Variants in LPAR1 observed in about 807,000 individuals in gnomAD.
LPAR1 encodes LPA receptor 1.
In LPAR1, 5 loss-of-function variants were observed where a neutral mutation model predicts 23.8. That is an observed-to-expected ratio of 0.21 (90% CI 0.11 to 0.44). The LOEUF (loss-of-function observed/expected upper bound fraction) is 0.44. Ranked by LOEUF, LPAR1 falls within the 20% of genes least tolerant of loss-of-function variation. The pLI is 0.99. For missense variants in LPAR1, 311 were observed against 482.8 expected (o/e 0.64, Z 3.33); for synonymous variants, 160 against 164.7 (o/e 0.97, Z 0.22).
chr9:110,898,087 T>C (rs1474510847), intron 5 of LPAR1, among the ~76,000 whole-genome samples: 1 of 152,204 alleles, frequency 6.6e-6, no homozygotes, highest in Non-Finnish European at 1.5e-5. Flanking sequence ...TAGTGACTCA[T>C]TTCTGTGACA....
chr9:110,939,838 T>C (rs1479218165), intron 5 of LPAR1, among the ~76,000 whole-genome samples: 1 of 152,214 alleles, frequency 6.6e-6, no homozygotes, highest in East Asian at 1.9e-4. Context: ...AGTTCATGCA[T>C]ATAAAAAATG....
chr9:110,903,667 A>C (rs950257531), intron 5 of LPAR1, among the ~76,000 whole-genome samples: 20 of 152,084 alleles, frequency 1.3e-4, no homozygotes, highest in African/African-American at 4.6e-4. Flanking sequence ...ACAATAACAA[A>C]ATGTTCAAGA....
intron 4 of LPAR1, among the ~76,000 whole-genome samples, chr9:110,969,796 A>G (rs1401264935): frequency 6.6e-6 from 1 of 152,084 alleles, no homozygotes; most frequent in Middle Eastern, 3.2e-3. Flanking sequence ...TCTTTCTACT[A>G]TTGGATATTC....
rs1179818442 is a variant in LPAR1, at chr9:110,941,096, C to T, written c.793+325G>A. Among the ~76,000 whole-genome samples, 1 of 152,094 alleles carries T rather than the reference C, an allele frequency of 6.6e-6. No individual in the cohort carries two copies. Among genetic ancestry groups the T allele is most frequent in the African/African-American group, 2.4e-5 (1 of 41,412 alleles). ...CAGAAACCACAATGCAAAAGTTTCA[C>T]AATTTAGGCTGTAAGAAAAATGAAT... On this transcript the variant is annotated intron_variant, in intron 5 of 5. Coordinates refer to ENST00000683809, the MANE Select transcript of LPAR1 (RefSeq NM_001351411.2). The surrounding 1 kb of genome is among the most constrained non-coding windows in gnomAD (Gnocchi z 6.1).
intron 2 of LPAR1, among the ~76,000 whole-genome samples, chr9:111,002,646 A>C (rs2097149087): frequency 6.6e-6 from 1 of 152,226 alleles, no homozygotes; most frequent in Non-Finnish European, 1.5e-5. Context: ...TTGAGAGCTG[A>C]ATAGGTAGGT....
chr9:110,924,509 C>A (rs2093867015), intron 5 of LPAR1, among the ~76,000 whole-genome samples: 1 of 151,070 alleles, frequency 6.6e-6, no homozygotes, highest in Non-Finnish European at 1.5e-5. Context: ...CTTTTTTTTC[C>A]TTAATGAATA....
intron 2 of LPAR1, among the ~76,000 whole-genome samples, chr9:110,995,734 G>C (rs1179086855): frequency 6.6e-6 from 1 of 152,118 alleles, no homozygotes; most frequent in Non-Finnish European, 1.5e-5. Context: ...TTACCACTCT[G>C]TTGAAGAAAT....
chr9:110,984,005 T>G (rs2096727716), intron 2 of LPAR1, among the ~76,000 whole-genome samples: 1 of 152,062 alleles, frequency 6.6e-6, no homozygotes, highest in Non-Finnish European at 1.5e-5. Context: ...GTGTATATAT[T>G]TGTGGGGTAT....
At chr9:110,940,198 A>G (rs530520517) in intron 5 of LPAR1, among the ~76,000 whole-genome samples, 1 of 152,354 alleles carries the variant, frequency 6.6e-6, no homozygotes, top group Admixed American at 6.5e-5. Flanking sequence ...CAGGTCTACA[A>G]GAGGGTCAAC....
intron 5 of LPAR1, among the ~76,000 whole-genome samples, chr9:110,899,752 G>C (rs1447092243): frequency 6.6e-6 from 1 of 152,130 alleles, no homozygotes; most frequent in Non-Finnish European, 1.5e-5. Flanking sequence ...CAGCACTTTG[G>C]GTAGCAAGAG....
rs12238630 is a variant in LPAR1, at chr9:110,905,517, T to A, written c.794-29795A>T. 4.9e-3 allele frequency among the ~76,000 whole-genome samples: 740 copies of A among 151,818 alleles called. 46 individuals carry two copies. The East Asian group carries it at 0.13, about 26-fold the overall frequency. On this transcript the variant is annotated intron_variant, in intron 5 of 5. Transcript: ENST00000683809. ...GTGTGCCACCACACTCAGCTAATTT[T>A]TTATTATTATTATTTTTAGTAGAGA...
rs139027086 is a variant in LPAR1, at chr9:111,032,345, G to C, written c.-182+3777C>G. 4.7e-4 allele frequency among the ~76,000 whole-genome samples: 72 copies of C among 152,236 alleles called. 1 individual carries two copies. Among genetic ancestry groups the C allele is most frequent in the Non-Finnish European group, 7.5e-4 (51 of 68,018 alleles). On this transcript the variant is annotated intron_variant, in intron 2 of 5. Coordinates refer to ENST00000683809, the MANE Select transcript of LPAR1 (RefSeq NM_001351411.2). Reference sequence around the variant, plus strand: ...CTGACCTCCACCACCTCACCGCTGAGGGTCAAGTGCCCCCGCTTGGTGCTC... The same window carrying C: ...CTGACCTCCACCACCTCACCGCTGACGGTCAAGTGCCCCCGCTTGGTGCTC...
At chr9:111,021,241 T>C (rs1378171610) in intron 2 of LPAR1, among the ~76,000 whole-genome samples, 1 of 152,184 alleles carries the variant, frequency 6.6e-6, no homozygotes, top group African/African-American at 2.4e-5. Flanking sequence ...ATAGTACTCA[T>C]TTCACAGTAT....
chr9:110,916,179 G>T (rs905755720), intron 5 of LPAR1, among the ~76,000 whole-genome samples: 1 of 152,162 alleles, frequency 6.6e-6, no homozygotes, highest in African/African-American at 2.4e-5. Flanking sequence ...TAACCTCATT[G>T]AATATACTTC....
chr9:110,934,218 G>A (rs926851566), intron 5 of LPAR1, among the ~76,000 whole-genome samples: 1 of 152,184 alleles, frequency 6.6e-6, no homozygotes, highest in Non-Finnish European at 1.5e-5. Flanking sequence ...CAGGGAATAA[G>A]AGACTCTGTG....
At chr9:110,914,967 TA>T (rs879414285) in intron 5 of LPAR1, among the ~76,000 whole-genome samples, 2,146 of 145,886 alleles carry the variant, frequency 0.015, 36 homozygotes, top group African/African-American at 0.046. Context: ...TTTCGCAAGT[TA>T]AAAAAAAAAA....
At chr9:110,974,183 A>C (rs2138415834) in intron 2 of LPAR1, among the ~76,000 whole-genome samples, 1 of 152,220 alleles carries the variant, frequency 6.6e-6, no homozygotes, top group African/African-American at 2.4e-5. Context: ...AGGCTAAGCC[A>C]ACCTTGCCTT....
intron 5 of LPAR1, among the ~76,000 whole-genome samples, chr9:110,901,058 T>G (rs1383107239): frequency 1.3e-5 from 2 of 152,230 alleles, no homozygotes; most frequent in Non-Finnish European, 2.9e-5. Flanking sequence ...AAAGTGATTC[T>G]GAGATGGGGG....
intron 2 of LPAR1, among the ~76,000 whole-genome samples, chr9:111,025,746 G>C (rs1475215420): frequency 6.6e-6 from 1 of 152,166 alleles, no homozygotes; most frequent in East Asian, 1.9e-4. Flanking sequence ...AAGGGGTCCA[G>C]TTTCACTTTT....
Sources: allele counts gnomAD v4.1 joint callset (sites outside exome capture counted in the v4.1 genomes callset), GRCh38; gene constraint gnomAD v4.1.1; non-coding constraint Gnocchi (gnomAD v3.1); transcripts MANE v1.5; gene names NCBI Gene and HGNC (gene_info 2026-07-23, HGNC 2026-07-21).